Variants in STX1A observed in about 807,000 individuals in gnomAD.
STX1A encodes the protein syntaxin 1A.
STX1A carries 4 observed loss-of-function variants against 37.8 expected under a neutral mutation model. The ratio of observed to expected loss-of-function variants is 0.11; its 90% CI spans 0.05 to 0.24. The LOEUF (loss-of-function observed/expected upper bound fraction) is 0.24, where lower values mean the gene tolerates loss of function less well. Among genes scored for constraint, STX1A ranks in the 10% least tolerant of loss-of-function variants. STX1A has a pLI of 1.00. For missense variants in STX1A, 251 were observed against 399.9 expected (o/e 0.63, Z 3.18); for synonymous variants, 135 against 147.4 (o/e 0.92, Z 0.61).
At chr7:73,714,082 T>C (rs1237070704) in intron 1 of STX1A, among the ~76,000 whole-genome samples, 2 of 149,250 alleles carry the variant, frequency 1.3e-5, no homozygotes, top group Middle Eastern at 3.3e-3. Context: ...TCTTCTCCCA[T>C]CCAACCAACA....
rs1554616064 is a variant in STX1A at position 73,702,702 on chromosome 7, G to A, written c.678+143C>T. On this transcript the variant is annotated intron_variant, in intron 8 of 9. Transcript: ENST00000222812. This position sits in a 1 kb window ranked among gnomAD's most constrained non-coding sequence, Gnocchi z 4.7. ...CCTTCGGGTCGGCAGGGCCCTGGCG[G>A]CAGTTTCAACAGCGGGTGATTGGTT... 6.6e-7 allele frequency: 1 copy of A among 1,520,304 alleles called. No homozygotes were observed. Among genetic ancestry groups the A allele is most frequent in the Admixed American group, 2.0e-5 (1 of 49,572 alleles). 94.2% of individuals were successfully genotyped at this position (1,520,304 alleles called of 1,614,324 possible).
chr7:73,700,048 G>A lies in STX1A; in HGVS notation c.*359C>T, dbSNP rs1281507655. ...AGGACAGGGCAGGTCAGCTGGAGGC[G>A]AGGTTAGGGTCCCCAGGGAAGAGCA... On this transcript the variant is annotated 3_prime_UTR_variant, in exon 10 of 10. Transcript: ENST00000222812. The surrounding 1 kb of genome is among the most constrained non-coding windows in gnomAD (Gnocchi z 4.4). 1.4e-5 allele frequency: 5 copies of A among 355,786 alleles called. No homozygotes were observed. Among genetic ancestry groups the A allele is most frequent in the African/African-American group, 6.2e-5 (3 of 48,064 alleles). 22.0% of individuals were successfully genotyped at this position (355,786 alleles called of 1,614,324 possible). A position where few individuals can be genotyped will look rare whatever the true frequency, so the allele number is the denominator to read the frequency against.
intron 1 of STX1A, among the ~76,000 whole-genome samples, chr7:73,712,399 C>G (rs1554618092): frequency 6.6e-6 from 1 of 150,690 alleles, no homozygotes; most frequent in African/African-American, 2.4e-5. Flanking sequence ...CATCCCTTTG[C>G]CCGGGATGCT....
chr7:73,712,240 TC>T (rs1799129705), intron 1 of STX1A, among the ~76,000 whole-genome samples: 1 of 151,996 alleles, frequency 6.6e-6, no homozygotes, highest in Non-Finnish European at 1.5e-5. Context: ...CCTCCCCACG[TC>T]CTTCTACTTC....
chr7:73,718,624 CCCCG>C (rs1799376385), intron 1 of STX1A, among the ~76,000 whole-genome samples: 2 of 151,924 alleles, frequency 1.3e-5, no homozygotes, highest in African/African-American at 2.4e-5. Context: ...CACCCCCCCT[CCCCG>C]ACACACCCAG....
chr7:73,713,266 T>C (rs184416798), intron 1 of STX1A, among the ~76,000 whole-genome samples: 17 of 152,300 alleles, frequency 1.1e-4, no homozygotes, highest in African/African-American at 3.1e-4. Context: ...TCAGTTCTCA[T>C]TGGACACGGA....
At chr7:73,707,196 G>C (rs1312376525) in intron 3 of STX1A, among the ~76,000 whole-genome samples, 1 of 152,198 alleles carries the variant, frequency 6.6e-6, no homozygotes, top group Admixed American at 6.5e-5. Flanking sequence ...CCCCCCTCCA[G>C]GGAAGGGCAC....
Position 73,705,135 on chromosome 7 carries a change from A to G in STX1A, c.283+15T>C. On this transcript the variant is annotated intron_variant, in intron 4 of 9. Transcript: ENST00000222812. The surrounding 1 kb of genome is among the most constrained non-coding windows in gnomAD (Gnocchi z 5.2). Reference sequence around the variant, plus strand: ...TAGAATGCCCCCCACCCACCCCCAGACAAGCCTGACTCACTCTTTAACTTG... The same window carrying G: ...TAGAATGCCCCCCACCCACCCCCAGGCAAGCCTGACTCACTCTTTAACTTG... 1 of 1,612,160 alleles carries G rather than the reference A, an allele frequency of 6.2e-7. No individual in the cohort carries two copies. The highest frequency in any genetic ancestry group is 8.5e-7 in the Non-Finnish European group (1 of 1,178,504).
At position 73,700,844 on chromosome 7, in the gene STX1A, CG is replaced by C; in HGVS notation, c.679-5del. 2.5e-6 allele frequency: 4 copies of C among 1,612,832 alleles called. No individual in the cohort carries two copies. Among genetic ancestry groups the C allele is most frequent in the Non-Finnish European group, 2.5e-6 (3 of 1,179,922 alleles). ...CGATCCTGTCAATCATCTCTCCCTG[CG>C]GGGCCGGGGGCACCCGAGCTCCAGA... On this transcript the variant is annotated splice_region_variant and splice_polypyrimidine_tract_variant and intron_variant, in intron 8 of 9. Coordinates refer to ENST00000222812, the MANE Select transcript of STX1A (RefSeq NM_004603.4). This position sits in a 1 kb window ranked among gnomAD's most constrained non-coding sequence, Gnocchi z 4.4.
At position 73,717,242 on chromosome 7, in the gene STX1A, C is replaced by A. The variant is rs1010578469; in HGVS notation, c.30+2360G>T. Among the ~76,000 whole-genome samples the A allele has an allele frequency of 2.0e-5, 3 of 152,126 alleles. No homozygotes were observed. The South Asian group carries it at 6.2e-4, about 32-fold the overall frequency. On this transcript the variant is annotated intron_variant, in intron 1 of 9. Coordinates refer to ENST00000222812, the MANE Select transcript of STX1A (RefSeq NM_004603.4). The surrounding 1 kb of genome is among the most constrained non-coding windows in gnomAD (Gnocchi z 4.1). ...AGAGGGAGGGAGGGAGGGCTGGGAG[C>A]GGTGCACAGCCGCTGTCCCCAGCAC...
intron 2 of STX1A, 129 bp from the exon 3 acceptor site, chr7:73,708,817 G>T: frequency 9.8e-7 from 1 of 1,015,552 alleles, no homozygotes; most frequent in Non-Finnish European, 1.5e-6. Context: ...GGGTGCTGGG[G>T]TGCAGTGGGG....
intron 8 of STX1A, among the ~76,000 whole-genome samples, chr7:73,701,484 T>C (rs956209253): frequency 2.0e-5 from 3 of 151,092 alleles, no homozygotes; most frequent in African/African-American, 7.3e-5. Flanking sequence ...ATCCTGCCAC[T>C]GCACTCCAGC....
intron 4 of STX1A, chr7:73,704,855 C>A (rs1798814416): frequency 1.8e-6 from 1 of 542,000 alleles, no homozygotes; most frequent in African/African-American, 1.9e-5. Context: ...TGCAAGAGAC[C>A]AGGAAGTACT....
rs1037231991 is a variant in STX1A at position 73,718,573 on chromosome 7, A to T, written c.30+1029T>A. On this transcript the variant is annotated intron_variant, in intron 1 of 9. Coordinates refer to ENST00000222812, the MANE Select transcript of STX1A (RefSeq NM_004603.4). Reference sequence around the variant, plus strand: ...CAGCCAGGTGGCCAGCCAGGGGACCAGATGACCAGATGAGACTCAATCTAG... The same window carrying T: ...CAGCCAGGTGGCCAGCCAGGGGACCTGATGACCAGATGAGACTCAATCTAG... Among the ~76,000 whole-genome samples, 3 of 151,996 alleles carry T rather than the reference A, an allele frequency of 2.0e-5. No homozygotes were observed. The East Asian group carries it at 5.8e-4, about 29-fold the overall frequency.
intron 1 of STX1A, among the ~76,000 whole-genome samples, chr7:73,710,720 T>C (rs1799070695): frequency 2.0e-5 from 3 of 152,146 alleles, no homozygotes; most frequent in Admixed American, 6.5e-5. Flanking sequence ...CCACCACATC[T>C]GATCTTGTTC....
Position 73,700,893 on chromosome 7 carries a change from T to C in STX1A, c.679-53A>G. The C allele has an allele frequency of 1.2e-6, 2 of 1,605,964 alleles. No homozygotes were observed. The highest frequency in any genetic ancestry group is 2.2e-5 in the South Asian group (2 of 90,888). On this transcript the variant is annotated intron_variant, in intron 8 of 9. Transcript: ENST00000222812. This position sits in a 1 kb window ranked among gnomAD's most constrained non-coding sequence, Gnocchi z 4.4. ...AGAGGGCCCCCTCCTCAGGGTTGGG[T>C]TGGGGCTCGGGGCAGGACTTCAGGA...
chr7:73,708,816 G>C, intron 2 of STX1A, 128 bp from the exon 3 acceptor site: 1 of 1,017,234 alleles, frequency 9.8e-7, no homozygotes. Context: ...CGGGTGCTGG[G>C]GTGCAGTGGG....
In STX1A at chr7:73,700,822, T is replaced by C. The variant is rs782584153; in HGVS notation, c.697A>G (p.Ile233Val). The change falls in exon 9 of 10, where the codon ATC (isoleucine) becomes GTC (valine). Residue 233 changes from isoleucine (I) to valine (V), a missense_variant. Ile to Val is a conservative substitution (Grantham distance 29, BLOSUM62 3). Transcript: ENST00000222812. The surrounding 1 kb of genome is among the most constrained non-coding windows in gnomAD (Gnocchi z 4.4). ...ACCGCGTGTTCCACATTGTACTCGA[T>C]CCTGTCAATCATCTCTCCCTGCGGG... is the stretch of plus-strand genomic sequence containing the variant. ...VESQGEMIDRIEYNVEHAVDY... is the reference protein window; with the variant it reads ...VESQGEMIDRVEYNVEHAVDY... 6.2e-7 allele frequency: 1 copy of C among 1,613,638 alleles called. No homozygotes were observed. Among genetic ancestry groups the C allele is most frequent in the Non-Finnish European group, 8.5e-7 (1 of 1,179,950 alleles).
At chr7:73,703,400 C>T in intron 7 of STX1A, 1 of 585,472 alleles carries the variant, frequency 1.7e-6, no homozygotes, top group African/African-American at 1.8e-5. Context: ...CCTCGAACAC[C>T]TGTGTGCCAC....
Sources: allele counts gnomAD v4.1 joint callset (sites outside exome capture counted in the v4.1 genomes callset), GRCh38; gene constraint gnomAD v4.1.1; non-coding constraint Gnocchi (gnomAD v3.1); transcripts MANE v1.5; gene names NCBI Gene and HGNC (gene_info 2026-07-23, HGNC 2026-07-21).